The following ATF7IP2 variants were observed in gnomAD, a reference collection of about 807,000 sequenced individuals.
ATF7IP2 encodes the protein activating transcription factor 7 interacting protein 2, also known as activating transcription factor 7-interacting protein 2.
Under a neutral mutation model 64.2 loss-of-function variants are expected in ATF7IP2, and 42 were observed. The observed-to-expected ratio is 0.65, with a 90% confidence interval of 0.51 to 0.85. The LOEUF (loss-of-function observed/expected upper bound fraction) is 0.85, where lower values mean the gene tolerates loss of function less well. Among genes scored for constraint, ATF7IP2 ranks in the 40% least tolerant of loss-of-function variants. The pLI is 0.00. For synonymous variants in ATF7IP2, 308 were observed against 272.8 expected (o/e 1.13, Z -1.27); for missense variants, 933 against 784.2 (o/e 1.19, Z -2.27).
chr16:10,441,155 G>A (rs562815478), intron 8 of ATF7IP2, among the ~76,000 whole-genome samples: 15 of 152,252 alleles, frequency 9.9e-5, no homozygotes, highest in Admixed American at 2.6e-4. Context: ...TATCATTGAC[G>A]GGGATTTGGG....
intron 12 of ATF7IP2, among the ~76,000 whole-genome samples, chr16:10,475,076 C>T (rs755519305): frequency 1.3e-5 from 2 of 151,966 alleles, no homozygotes; most frequent in African/African-American, 2.4e-5. Context: ...AATTTGTTGC[C>T]AGCAGACCTT....
chr16:10,399,150 A>C lies in ATF7IP2; in HGVS notation c.-242+13028A>C, dbSNP rs1444195. On this transcript the variant is annotated intron_variant, in intron 1 of 13. Transcript: ENST00000562102. Reference sequence around the variant, plus strand: ...AAGATCTATTGTTCTATTGTGCAAAATCTGACTAGTCAGTAACAATATGCT... The same window carrying C: ...AAGATCTATTGTTCTATTGTGCAAACTCTGACTAGTCAGTAACAATATGCT... Among the ~76,000 whole-genome samples the C allele has an allele frequency of 8.5e-3, 1,298 of 152,350 alleles. 16 individuals are homozygous for C. The highest frequency in any genetic ancestry group is 0.029 in the African/African-American group (1,191 of 41,586).
chr16:10,433,437 A>G, intron 5 of ATF7IP2, 88 bp from the exon 6 acceptor site: 2 of 1,214,848 alleles, frequency 1.6e-6, no homozygotes, highest in Non-Finnish European at 2.3e-6. Flanking sequence ...AGCCTCCCAG[A>G]GTGCTGGGAT....
chr16:10,406,446 A>G (rs142144729), intron 1 of ATF7IP2, among the ~76,000 whole-genome samples: 8 of 152,330 alleles, frequency 5.3e-5, no homozygotes, highest in Admixed American at 2.0e-4. Flanking sequence ...TTAAAGAACT[A>G]GAAAAGCAAG....
rs2049422444 is a variant in ATF7IP2, at chr16:10,462,907, T to A, written c.1352+5378T>A. Among the ~76,000 whole-genome samples the A allele has an allele frequency of 2.0e-5, 3 of 152,240 alleles. 1 individual carries two copies. The South Asian group carries it at 6.2e-4, about 31-fold the overall frequency. ...TATTTTCAACTAACCTGTGTTGTGT[T>A]CCAGCTTATTAATCCTTTCTTTTAT... On this transcript the variant is annotated intron_variant, in intron 9 of 13. Transcript: ENST00000562102.
At chr16:10,443,923 G>A (rs2048714569) in intron 8 of ATF7IP2, among the ~76,000 whole-genome samples, 1 of 152,126 alleles carries the variant, frequency 6.6e-6, no homozygotes, top group Non-Finnish European at 1.5e-5. Flanking sequence ...GCGGCACAGG[G>A]ACCTTCCGTG....
At chr16:10,413,150 C>G (rs1057427000) in intron 1 of ATF7IP2, among the ~76,000 whole-genome samples, 1 of 152,046 alleles carries the variant, frequency 6.6e-6, no homozygotes, top group South Asian at 2.1e-4. Flanking sequence ...GCATTTAGGC[C>G]ATTTACATTT....
intron 7 of ATF7IP2, among the ~76,000 whole-genome samples, chr16:10,439,533 C>CTTTT (rs760337763): frequency 9.7e-6 from 1 of 102,968 alleles, no homozygotes; most frequent in Non-Finnish European, 1.9e-5. Flanking sequence ...CGCCCCCAGC[C>CTTTT]TTTTTTTTTT....
chr16:10,468,029 G>A (rs573608091), intron 9 of ATF7IP2, among the ~76,000 whole-genome samples: 43 of 151,376 alleles, frequency 2.8e-4, no homozygotes, highest in Non-Finnish European at 5.2e-4. Context: ...AAAGGCACGT[G>A]CCACCATGCC....
At chr16:10,449,211 G>C (rs1027348772) in intron 8 of ATF7IP2, 1 of 152,164 alleles carries the variant, frequency 6.6e-6, no homozygotes, top group Admixed American at 6.5e-5. Flanking sequence ...GTTTCAGTTT[G>C]CCAGTATTTT....
Position 10,482,462 on chromosome 16 carries a change from C to G in ATF7IP2, c.*213C>G. ...TCCAATGGATAAGTTCTAAAACATA[C>G]GCTATCATTGGCCCATGTTGCTGAG... On this transcript the variant is annotated 3_prime_UTR_variant, in exon 14 of 14. Coordinates refer to ENST00000562102, the MANE Select transcript of ATF7IP2 (RefSeq NM_001393719.1). The G allele has an allele frequency of 4.8e-6, 2 of 420,868 alleles. No homozygotes were observed. Among genetic ancestry groups the G allele is most frequent in the South Asian group, 7.2e-5 (2 of 27,662 alleles). 26.1% of individuals were successfully genotyped at this position (420,868 alleles called of 1,614,324 possible).
At chr16:10,447,948 A>G (rs970516584) in intron 8 of ATF7IP2, 3 of 152,244 alleles carry the variant, frequency 2.0e-5, no homozygotes, top group Middle Eastern at 3.1e-3. Context: ...TAATTTTTGT[A>G]TAACGTGTAA....
chr16:10,450,766 C>A (rs957358343), intron 8 of ATF7IP2, among the ~76,000 whole-genome samples: 1 of 152,118 alleles, frequency 6.6e-6, no homozygotes, highest in African/African-American at 2.4e-5. Context: ...GACTCTTTAT[C>A]CAGTTTGCCA....
At chr16:10,432,301 T>C (rs1344798864) in intron 5 of ATF7IP2, among the ~76,000 whole-genome samples, 2 of 152,146 alleles carry the variant, frequency 1.3e-5, no homozygotes, top group African/African-American at 4.8e-5. Context: ...GTGAATTTCA[T>C]TTGAAGTAGG....
At chr16:10,410,708 G>A (rs535411317) in intron 1 of ATF7IP2, among the ~76,000 whole-genome samples, 1 of 152,296 alleles carries the variant, frequency 6.6e-6, no homozygotes, top group African/African-American at 2.4e-5. Context: ...AGGAACTGAG[G>A]CCACTGCGCC....
At chr16:10,465,761 T>C (rs1006708635) in intron 9 of ATF7IP2, among the ~76,000 whole-genome samples, 3 of 151,224 alleles carry the variant, frequency 2.0e-5, no homozygotes, top group African/African-American at 7.3e-5. Flanking sequence ...GAGCTTTCAT[T>C]GGTAGCAGTT....
At chr16:10,456,204 A>G (rs1321067733) in intron 8 of ATF7IP2, among the ~76,000 whole-genome samples, 2 of 147,570 alleles carry the variant, frequency 1.4e-5, no homozygotes, top group East Asian at 5.1e-4. Flanking sequence ...AGAAAAAAAA[A>G]GAGAAAAATT....
intron 9 of ATF7IP2, among the ~76,000 whole-genome samples, chr16:10,458,104 A>G (rs1227330562): frequency 6.6e-6 from 1 of 152,266 alleles, no homozygotes; most frequent in Non-Finnish European, 1.5e-5. Flanking sequence ...TTTCCCACAG[A>G]TAACTATGCG....
chr16:10,474,960 T>C (rs1013197949), intron 12 of ATF7IP2, among the ~76,000 whole-genome samples: 1 of 152,212 alleles, frequency 6.6e-6, no homozygotes, highest in African/African-American at 2.4e-5. Context: ...GGCAGGAGGA[T>C]GGCTTGAGGC....
Sources: allele counts gnomAD v4.1 joint callset (sites outside exome capture counted in the v4.1 genomes callset), GRCh38; gene constraint gnomAD v4.1.1; transcripts MANE v1.5; gene names NCBI Gene and HGNC (gene_info 2026-07-23, HGNC 2026-07-21).